Variants in MYO3A observed in about 807,000 individuals in gnomAD.
The protein encoded by MYO3A is myosin-IIIa.
In MYO3A, 180 loss-of-function variants were observed where a neutral mutation model predicts 192.7. The ratio of observed to expected loss-of-function variants is 0.93; its 90% confidence interval spans 0.83 to 1.06. The LOEUF (loss-of-function observed/expected upper bound fraction) is 1.06, where lower values mean the gene tolerates loss of function less well. Among genes scored for constraint, MYO3A ranks in the 50% least tolerant of loss-of-function variants. The pLI is 0.00. For missense variants in MYO3A, 1,896 were observed against 1,905.0 expected, an observed-to-expected ratio of 1.00 and a Z score of 0.09; for synonymous variants, 628 against 645.3, an observed-to-expected ratio of 0.97 and a Z score of 0.41.
intron 10 of MYO3A, among the ~76,000 whole-genome samples, chr10:26,060,960 A>G (rs1014572358): frequency 6.6e-6 from 1 of 151,464 alleles, no homozygotes; most frequent in Non-Finnish European, 1.5e-5. Context: ...ACGGAGTCTC[A>G]CTCTGTCACC....
intron 23 of MYO3A, among the ~76,000 whole-genome samples, chr10:26,152,836 C>T (rs947358531): frequency 6.6e-6 from 1 of 152,306 alleles, no homozygotes; most frequent in Admixed American, 6.5e-5. Flanking sequence ...GTCTCAGCCC[C>T]TCCCCTGGAG....
chr10:26,140,949 A>G (rs1840126221), intron 20 of MYO3A, among the ~76,000 whole-genome samples: 1 of 152,102 alleles, frequency 6.6e-6, no homozygotes, highest in African/African-American at 2.4e-5. Context: ...GTTTTATGAG[A>G]TGGAGTCTCG....
intron 34 of MYO3A, among the ~76,000 whole-genome samples, chr10:26,205,432 T>TATTGTA (rs1564645793): frequency 2.0e-5 from 3 of 146,618 alleles, no homozygotes; most frequent in Non-Finnish European, 4.5e-5. Context: ...CCCTGGTAAC[T>TATTGTA]ACTATTCTAC....
At position 26,203,117 on chromosome 10, in the gene MYO3A, T is replaced by C; in HGVS notation, c.4730+10T>C. The C allele has an allele frequency of 6.2e-7, 1 of 1,613,028 alleles. No individual in the cohort carries two copies. Among genetic ancestry groups the C allele is most frequent in the South Asian group, 1.1e-5 (1 of 91,056 alleles). ...TTAAGGCTAATGAAAGGTAAAAAGC[T>C]AAACTTTAAAGTACATCATTTGCAG... On this transcript the variant is annotated intron_variant, in intron 34 of 34. Coordinates refer to ENST00000642920, the MANE Select transcript of MYO3A (RefSeq NM_017433.5).
intron 6 of MYO3A, among the ~76,000 whole-genome samples, chr10:26,011,934 G>A (rs1012887493): frequency 3.3e-5 from 5 of 152,096 alleles, no homozygotes; most frequent in Non-Finnish European, 7.4e-5. Flanking sequence ...GGGATGCAGG[G>A]ATAGTTTAAC....
rs574949075 is a variant in MYO3A, at chr10:26,073,857, C to A, written c.1359+3456C>A. On this transcript the variant is annotated intron_variant, in intron 14 of 34. Transcript: ENST00000642920. ...GGGTTCACTGCAAAGAGTCATGAGACAATTTGGGGTGGTGAAGGAATTATC... is the reference window on the plus strand; with the variant it reads ...GGGTTCACTGCAAAGAGTCATGAGAAAATTTGGGGTGGTGAAGGAATTATC... 5.9e-5 allele frequency among the ~76,000 whole-genome samples: 9 copies of A among 151,798 alleles called. No individual in the cohort carries two copies. In the East Asian group the frequency reaches 1.2e-3, roughly 20 times the overall value.
At chr10:25,948,782 G>A (rs1168859826) in intron 2 of MYO3A, among the ~76,000 whole-genome samples, 2 of 152,174 alleles carry the variant, frequency 1.3e-5, no homozygotes, top group South Asian at 2.1e-4. Flanking sequence ...TTATTTTGAA[G>A]CAGTCATTTT....
At chr10:26,162,231 A>G (rs1173136100) in intron 26 of MYO3A, among the ~76,000 whole-genome samples, 1 of 152,256 alleles carries the variant, frequency 6.6e-6, no homozygotes, top group Non-Finnish European at 1.5e-5. Flanking sequence ...ATGAAAGTAT[A>G]AAGAAGATAC....
chr10:26,109,325 GT>G (rs1163763806), intron 17 of MYO3A, among the ~76,000 whole-genome samples: 1 of 152,176 alleles, frequency 6.6e-6, no homozygotes, highest in Non-Finnish European at 1.5e-5. Flanking sequence ...TGCAATCCCA[GT>G]TACCTGTAGT....
At chr10:26,166,489 T>C (rs565518442) in intron 27 of MYO3A, among the ~76,000 whole-genome samples, 1 of 152,218 alleles carries the variant, frequency 6.6e-6, no homozygotes, top group African/African-American at 2.4e-5. Flanking sequence ...CTGCAATAGC[T>C]ATGATCACAC....
At chr10:26,152,841 C>T (rs1309762831) in intron 23 of MYO3A, among the ~76,000 whole-genome samples, 1 of 152,164 alleles carries the variant, frequency 6.6e-6, no homozygotes, top group Admixed American at 6.5e-5. Flanking sequence ...AGCCCCTCCC[C>T]TGGAGTTCGG....
rs916472904 is a variant in MYO3A, at chr10:26,170,477, A to T, written c.3336A>T (p.Ala1112=). Residue 1112 remains alanine (A), a synonymous_variant, in exon 29 of 35, where the codon GCA becomes GCT. Coordinates refer to ENST00000642920, the MANE Select transcript of MYO3A (RefSeq NM_017433.5). ...AAATTGTTGACATGAAAAACACAGC[A>T]GTAACAACCATTCAAACTTCTGATC... ...RKEIVDMKNT[A]VTTIQTSDQE... 6.2e-7 allele frequency: 1 copy of T among 1,613,552 alleles called. No homozygotes were observed. Among genetic ancestry groups the T allele is most frequent in the Non-Finnish European group, 8.5e-7 (1 of 1,179,686 alleles).
intron 17 of MYO3A, among the ~76,000 whole-genome samples, chr10:26,114,627 A>G (rs1048911674): frequency 6.6e-6 from 1 of 152,204 alleles, no homozygotes; most frequent in Non-Finnish European, 1.5e-5. Context: ...AATGAGGCAC[A>G]GATTAAGAGA....
At chr10:26,131,831 C>T (rs1839552365) in intron 20 of MYO3A, among the ~76,000 whole-genome samples, 1 of 152,102 alleles carries the variant, frequency 6.6e-6, no homozygotes, top group Non-Finnish European at 1.5e-5. Flanking sequence ...AGATGGTAAT[C>T]TATGTCCCCA....
chr10:26,023,226 A>G (rs1315178486), intron 8 of MYO3A: 1 of 152,236 alleles, frequency 6.6e-6, no homozygotes, highest in Non-Finnish European at 1.5e-5. Context: ...CATTAATTTC[A>G]TTATAAGCTA....
chr10:25,955,923 G>A (rs934785731), intron 4 of MYO3A, among the ~76,000 whole-genome samples: 1 of 152,044 alleles, frequency 6.6e-6, no homozygotes, highest in African/African-American at 2.4e-5. Flanking sequence ...CACACACTAG[G>A]TAATTCATAC....
chr10:25,954,483 C>G, intron 3 of MYO3A, among the ~76,000 whole-genome samples: 1 of 151,902 alleles, frequency 6.6e-6, no homozygotes, highest in Non-Finnish European at 1.5e-5. Flanking sequence ...TCCAAAGAAA[C>G]AAAATGAACC....
chr10:25,991,400 A>G (rs1359908852), intron 4 of MYO3A, among the ~76,000 whole-genome samples: 1 of 152,052 alleles, frequency 6.6e-6, no homozygotes, highest in Non-Finnish European at 1.5e-5. Flanking sequence ...TTCTTTGTAG[A>G]TTCTGGATAT....
intron 10 of MYO3A, among the ~76,000 whole-genome samples, chr10:26,065,440 G>A (rs867427044): frequency 6.6e-6 from 1 of 151,830 alleles, no homozygotes; most frequent in Non-Finnish European, 1.5e-5. Flanking sequence ...AAAAAAATTA[G>A]CTGAGCGTGG....
Sources: allele counts gnomAD v4.1 joint callset (sites outside exome capture counted in the v4.1 genomes callset), GRCh38; gene constraint gnomAD v4.1.1; transcripts MANE v1.5; gene names NCBI Gene and HGNC (gene_info 2026-07-23, HGNC 2026-07-21).